Variants in MAP3K13 observed in about 807,000 individuals in gnomAD.
MAP3K13 encodes mitogen-activated protein kinase kinase kinase 13, also known as leucine zipper-bearing kinase.
A neutral mutation model predicts 104.0 loss-of-function variants in MAP3K13; 52 were observed. The observed-to-expected ratio is 0.50, with a 90% CI of 0.40 to 0.63. The LOEUF (loss-of-function observed/expected upper bound fraction) is 0.63. Among genes scored for constraint, MAP3K13 ranks in the 20% least tolerant of loss-of-function variants. The probability of loss-of-function intolerance (pLI) is 0.00; values close to 1 mark genes in which losing one functional copy is unlikely to be tolerated. For synonymous variants in MAP3K13, 394 were observed against 442.2 expected (o/e 0.89, Z 1.37); for missense variants, 914 against 1,218.5 (o/e 0.75, Z 3.72).
intron 1 of MAP3K13, among the ~76,000 whole-genome samples, chr3:185,428,184 GT>G (rs1454588860): frequency 6.6e-6 from 1 of 151,722 alleles, no homozygotes; most frequent in Non-Finnish European, 1.5e-5. Context: ...AAAATTAACT[GT>G]TGTTAGTTCC....
chr3:185,348,582 T>C (rs1723019171), intron 2 of MAP3K13, among the ~76,000 whole-genome samples: 2 of 152,196 alleles, frequency 1.3e-5, no homozygotes, highest in Admixed American at 6.5e-5. Context: ...CAAACTATAC[T>C]GACAGGTGGA....
intron 2 of MAP3K13, among the ~76,000 whole-genome samples, chr3:185,318,258 T>C (rs558902446): frequency 3.9e-5 from 6 of 152,340 alleles, no homozygotes; most frequent in African/African-American, 1.4e-4. Flanking sequence ...GAAGGAATTC[T>C]TAAAGCGTCT....
At position 185,482,325 on chromosome 3, in the gene MAP3K13, A is replaced by C; in HGVS notation, c.2800-30A>C. 1 of 1,486,096 alleles carries C rather than the reference A, an allele frequency of 6.7e-7. No individual in the cohort carries two copies. Among genetic ancestry groups the C allele is most frequent in the African/African-American group, 1.4e-5 (1 of 72,484 alleles). The allele number at this position is 1,486,096 out of a possible 1,614,324, so 92.1% of individuals were successfully genotyped here. A position where few individuals can be genotyped will look rare whatever the true frequency, so the allele number is the denominator to read the frequency against. The stretch of plus-strand genomic sequence containing the variant: ...ATATATTTACTGAGTGATTATCGAA[A>C]TGAATTAAGGTTTTGTCTTGCCTTT... On this transcript the variant is annotated intron_variant, in intron 13 of 13. Coordinates refer to ENST00000265026, the MANE Select transcript of MAP3K13 (RefSeq NM_004721.5). The surrounding 1 kb of genome is among the most constrained non-coding windows in gnomAD (Gnocchi z 4.5).
At chr3:185,296,633 C>T (rs1720927342) in intron 2 of MAP3K13, among the ~76,000 whole-genome samples, 2 of 152,138 alleles carry the variant, frequency 1.3e-5, no homozygotes, top group Admixed American at 6.5e-5. Flanking sequence ...GTACTTATCT[C>T]TGATTGGCAT....
intron 1 of MAP3K13, among the ~76,000 whole-genome samples, chr3:185,397,146 C>G (rs1712474254): frequency 6.6e-6 from 1 of 152,100 alleles, no homozygotes. Context: ...AAGCAAAAAT[C>G]TTTTGTGCAA....
At chr3:185,445,813 A>G (rs919158496) in intron 4 of MAP3K13, among the ~76,000 whole-genome samples, 1 of 152,094 alleles carries the variant, frequency 6.6e-6, no homozygotes, top group Non-Finnish European at 1.5e-5. Context: ...CTAATGTTAT[A>G]TTTTTCTAGT....
At chr3:185,383,298 T>A (rs993129281) in intron 1 of MAP3K13, among the ~76,000 whole-genome samples, 4 of 152,082 alleles carry the variant, frequency 2.6e-5, no homozygotes, top group African/African-American at 9.7e-5. Context: ...GTCTTTGCTA[T>A]TGTGAGTAAT....
chr3:185,297,585 A>G (rs563325984), intron 2 of MAP3K13, among the ~76,000 whole-genome samples: 5 of 152,060 alleles, frequency 3.3e-5, no homozygotes, highest in Admixed American at 1.3e-4. Flanking sequence ...TAATACAAAA[A>G]TCAGCCAGGT....
rs1491361772 is a variant in MAP3K13 at position 185,455,543 on chromosome 3, A to ATATATATATATATGACATATATAT, written c.1278+4148_1278+4149insTATATATATATATGACATATATAT. On this transcript the variant is annotated intron_variant, in intron 7 of 13. Transcript: ENST00000265026. ...ATATGATATATATGAGATATATATGACATATATATGATATATATGAGATAT... is the reference window on the plus strand; with the variant it reads ...ATATGATATATATGAGATATATATGATATATATATATATGACATATATATCATATATATGATATATATGAGATAT... Among the ~76,000 whole-genome samples, 3 of 7,466 alleles carry ATATATATATATATGACATATATAT rather than the reference A, an allele frequency of 4.0e-4. 1 individual carries two copies. The highest frequency in any genetic ancestry group is 6.1e-4 in the Non-Finnish European group (3 of 4,950). 4.9% of individuals were successfully genotyped at this position (7,466 alleles called of 152,430 possible).
At chr3:185,379,001 G>A (rs1004122091) in intron 1 of MAP3K13, among the ~76,000 whole-genome samples, 1 of 152,164 alleles carries the variant, frequency 6.6e-6, no homozygotes, top group East Asian at 1.9e-4. Context: ...GGGAAAAGGA[G>A]GAATGAAGGG....
intron 11 of MAP3K13, chr3:185,477,048 G>C (rs957302061): frequency 1.7e-6 from 1 of 572,114 alleles, no homozygotes; most frequent in Non-Finnish European, 3.3e-6. Flanking sequence ...CTCACCTCTG[G>C]ACACTTTAAT....
chr3:185,461,854 C>A (rs1465005326), intron 7 of MAP3K13, among the ~76,000 whole-genome samples: 2 of 151,762 alleles, frequency 1.3e-5, no homozygotes, highest in Admixed American at 6.6e-5. Flanking sequence ...TGAGCCACCA[C>A]ACCCACAATA....
chr3:185,474,202 T>A (rs1717976932), intron 11 of MAP3K13, among the ~76,000 whole-genome samples: 2 of 152,126 alleles, frequency 1.3e-5, no homozygotes, highest in Admixed American at 1.3e-4. Flanking sequence ...AGCACACACC[T>A]GTAATCCGAG....
chr3:185,291,254 C>G (rs1176023398), intron 2 of MAP3K13, among the ~76,000 whole-genome samples: 3 of 152,166 alleles, frequency 2.0e-5, no homozygotes, highest in Admixed American at 1.3e-4. Context: ...ATCAAAAGCT[C>G]TTTAAGACAA....
chr3:185,397,594 A>G (rs984713199), intron 1 of MAP3K13, among the ~76,000 whole-genome samples: 1 of 152,224 alleles, frequency 6.6e-6, no homozygotes, highest in Non-Finnish European at 1.5e-5. Flanking sequence ...AAATGTGACT[A>G]TTTTATTAAT....
At chr3:185,446,506 A>G (rs909137483) in intron 4 of MAP3K13, among the ~76,000 whole-genome samples, 3 of 152,204 alleles carry the variant, frequency 2.0e-5, no homozygotes, top group African/African-American at 7.2e-5. Context: ...TGAACAGGTT[A>G]TTGCAAGTGA....
At chr3:185,477,920 CTTT>C (rs1308938787) in intron 12 of MAP3K13, among the ~76,000 whole-genome samples, 3 of 152,122 alleles carry the variant, frequency 2.0e-5, no homozygotes, top group Non-Finnish European at 4.4e-5. Flanking sequence ...GCTCTTCCTT[CTTT>C]TAAAAGGTCA....
At chr3:185,327,607 A>G (rs1722083554) in intron 2 of MAP3K13, among the ~76,000 whole-genome samples, 1 of 152,136 alleles carries the variant, frequency 6.6e-6, no homozygotes, top group African/African-American at 2.4e-5. Flanking sequence ...TGCTGCTTCA[A>G]AGGCTAATGG....
chr3:185,365,991 A>G (rs1723873022), intron 1 of MAP3K13, among the ~76,000 whole-genome samples: 1 of 130,160 alleles, frequency 7.7e-6, no homozygotes, highest in African/African-American at 2.9e-5. Flanking sequence ...CTTTTTTCCT[A>G]TTTAATGGTT....
Sources: gnomAD v4.1 joint callset for allele counts (sites outside exome capture counted in the v4.1 genomes callset) on GRCh38, gnomAD v4.1.1 for gene constraint, Gnocchi (gnomAD v3.1) non-coding constraint, MANE v1.5 for transcripts, NCBI Gene and HGNC (gene_info 2026-07-23, HGNC 2026-07-21) for gene names.